Variants in SLC39A11 observed in about 807,000 individuals in gnomAD.
The protein encoded by SLC39A11 is solute carrier family 39 member 11.
Under a neutral mutation model 36.1 loss-of-function variants are expected in SLC39A11, and 33 were observed. The ratio of observed to expected loss-of-function variants is 0.91; its 90% CI spans 0.69 to 1.22. The LOEUF is 1.22. SLC39A11 is among the 50% of genes most tolerant of loss of function. The pLI, the probability that SLC39A11 is intolerant of heterozygous loss-of-function variation, is 0.00. For missense variants in SLC39A11, 432 were observed against 430.3 expected, an observed-to-expected ratio of 1.00 and a Z score of -0.03; for synonymous variants, 166 against 170.3, an observed-to-expected ratio of 0.97 and a Z score of 0.20.
chr17:72,930,023 C>T (rs557360083), intron 5 of SLC39A11, among the ~76,000 whole-genome samples: 20 of 152,308 alleles, frequency 1.3e-4, no homozygotes, highest in African/African-American at 4.6e-4. Flanking sequence ...TAGCCCCTTC[C>T]TAGAAATCTC....
At chr17:72,887,921 C>T (rs1032212465) in intron 5 of SLC39A11, among the ~76,000 whole-genome samples, 1 of 152,200 alleles carries the variant, frequency 6.6e-6, no homozygotes, top group African/African-American at 2.4e-5. Flanking sequence ...GTACTCTTCC[C>T]CACTTCTCAA....
At chr17:72,997,177 G>C (rs192048689) in intron 4 of SLC39A11, among the ~76,000 whole-genome samples, 2 of 152,132 alleles carry the variant, frequency 1.3e-5, no homozygotes, top group Admixed American at 1.3e-4. Context: ...TGCAGCAATA[G>C]TTAACGAATG....
chr17:73,087,902 G>C (rs1277168295), intron 2 of SLC39A11, among the ~76,000 whole-genome samples: 6 of 152,150 alleles, frequency 3.9e-5, no homozygotes, highest in African/African-American at 1.4e-4. Context: ...CTTCTCCCAA[G>C]GTCTTTCCAA....
At chr17:72,714,507 A>C (rs747871142) in intron 7 of SLC39A11, among the ~76,000 whole-genome samples, 3 of 152,198 alleles carry the variant, frequency 2.0e-5, no homozygotes, top group Non-Finnish European at 4.4e-5. Context: ...CGCAGCAGCC[A>C]AGTTCATAAC....
At chr17:73,034,236 G>A (rs2058831663) in intron 3 of SLC39A11, among the ~76,000 whole-genome samples, 1 of 152,104 alleles carries the variant, frequency 6.6e-6, no homozygotes, top group African/African-American at 2.4e-5. Context: ...GTTCTTCTTT[G>A]CATTTTTTGA....
At chr17:73,045,399 A>AAC (rs2059250909) in intron 3 of SLC39A11, among the ~76,000 whole-genome samples, 1 of 149,516 alleles carries the variant, frequency 6.7e-6, no homozygotes, top group African/African-American at 2.4e-5. Context: ...AAAAAAAAAA[A>AAC]AAAAAAAAAA....
intron 5 of SLC39A11, 103 bp downstream of exon 5, chr17:72,947,649 A>G: frequency 6.5e-7 from 1 of 1,546,754 alleles, no homozygotes; most frequent in Non-Finnish European, 8.8e-7. Flanking sequence ...CAGTGCTGGC[A>G]TTTCTCTCAC....
At chr17:73,088,362 C>T (rs1158808359) in intron 2 of SLC39A11, among the ~76,000 whole-genome samples, 3 of 151,756 alleles carry the variant, frequency 2.0e-5, no homozygotes, top group East Asian at 1.9e-4. Context: ...AGCGGGCTAA[C>T]GAAGCCTCAA....
intron 4 of SLC39A11, among the ~76,000 whole-genome samples, chr17:73,024,052 G>A (rs1437445319): frequency 6.6e-6 from 1 of 152,236 alleles, no homozygotes. Context: ...CCTGTATGTA[G>A]TATTTTGCTA....
Position 72,988,641 on chromosome 17 carries a change from C to T in SLC39A11, c.307-40766G>A, listed in dbSNP as rs1446976412. Among the ~76,000 whole-genome samples, 10 of 152,100 alleles carry T rather than the reference C, an allele frequency of 6.6e-5. No homozygotes were observed. The South Asian group carries it at 8.3e-4, about 13-fold the overall frequency. ...CAACAACTCCCCTTTTCTCAGTGCC[C>T]CTAGCCCTTGGCAACCGCAGTTCTA... On this transcript the variant is annotated intron_variant, in intron 4 of 9. Coordinates refer to ENST00000255559, the MANE Select transcript of SLC39A11 (RefSeq NM_139177.4).
intron 6 of SLC39A11, among the ~76,000 whole-genome samples, chr17:72,739,048 T>C (rs137906087): frequency 4.6e-5 from 7 of 152,196 alleles, no homozygotes; most frequent in Non-Finnish European, 7.4e-5. Context: ...TTTTGCCTAA[T>C]TTTACCTTTT....
chr17:72,754,059 C>T (rs1373390514), intron 6 of SLC39A11, among the ~76,000 whole-genome samples: 878 of 49,780 alleles, frequency 0.018, 10 homozygotes, highest in African/African-American at 0.032. Flanking sequence ...CATACACACA[C>T]ACACACACAC....
intron 7 of SLC39A11, among the ~76,000 whole-genome samples, chr17:72,730,899 C>A (rs57900541): frequency 6.6e-6 from 1 of 152,086 alleles, no homozygotes; most frequent in South Asian, 2.1e-4. Flanking sequence ...TATAGGTGTG[C>A]GCCACCACGT....
Position 72,849,760 on chromosome 17 carries a change from C to T in SLC39A11, c.475G>A (p.Ala159Thr), listed in dbSNP as rs763180972. The change falls in exon 6 of 10, where the codon GCC becomes ACC. Residue 159 changes from alanine to threonine, a missense_variant. Ala to Thr is a moderately conservative substitution (Grantham distance 58). Transcript: ENST00000255559. ...GEAYQRKKAA[A>T]TGLPEGPAVP... ...GCAGGACCCTCTGGAAGGCCAGTGG[C>T]TGCCGCCTTCTTTCTCTGATATGCC... 6 of 1,601,218 alleles carry T rather than the reference C, an allele frequency of 3.7e-6. No homozygotes were observed. Among genetic ancestry groups the T allele is most frequent in the Non-Finnish European group, 5.1e-6 (6 of 1,176,054 alleles).
At chr17:72,908,633 A>G (rs1229993863) in intron 5 of SLC39A11, among the ~76,000 whole-genome samples, 3 of 152,176 alleles carry the variant, frequency 2.0e-5, no homozygotes, top group Non-Finnish European at 4.4e-5. Context: ...TCTACAGCCC[A>G]TGGGGTGACC....
intron 7 of SLC39A11, among the ~76,000 whole-genome samples, chr17:72,650,171 A>T (rs2069785312): frequency 6.6e-6 from 1 of 152,236 alleles, no homozygotes; most frequent in Non-Finnish European, 1.5e-5. Flanking sequence ...GTCTGGCACC[A>T]TCGCTGCATT....
chr17:72,922,973 AAAAAAAAAAAAAAAAAAC>A (rs979909124), intron 5 of SLC39A11, among the ~76,000 whole-genome samples: 3 of 147,866 alleles, frequency 2.0e-5, no homozygotes, highest in Non-Finnish European at 3.0e-5. Context: ...AAAAAAAAAA[AAAAAAAAAAAAAAAAAAC>A]ACACAGAAAA....
chr17:72,868,618 CAAAAAAAAAAAAAAAAAA>C (rs71354894), intron 5 of SLC39A11, among the ~76,000 whole-genome samples: 4 of 56,462 alleles, frequency 7.1e-5, no homozygotes, highest in Non-Finnish European at 9.3e-5. Flanking sequence ...CCTGTCTCTA[CAAAAAAAAAAAAAAAAAA>C]AAAAAAAAAA....
At chr17:72,890,912 C>G (rs374918741) in intron 5 of SLC39A11, among the ~76,000 whole-genome samples, 10 of 152,060 alleles carry the variant, frequency 6.6e-5, no homozygotes, top group Non-Finnish European at 1.5e-4. Context: ...AATGATTAAG[C>G]ACTGCAAATA....
Sources: allele counts gnomAD v4.1 joint callset (sites outside exome capture counted in the v4.1 genomes callset), GRCh38; gene constraint gnomAD v4.1.1; transcripts MANE v1.5; gene names NCBI Gene and HGNC (gene_info 2026-07-23, HGNC 2026-07-21).